Variants in ZBED4 observed in about 807,000 individuals in gnomAD.
ZBED4 encodes the protein zinc finger BED domain-containing protein 4.
ZBED4 carries 4 observed loss-of-function variants against 15.5 expected under a neutral mutation model. The ratio of observed to expected loss-of-function variants is 0.26; its 90% CI spans 0.13 to 0.59. The LOEUF is 0.59. Among genes scored for constraint, ZBED4 ranks in the 20% least tolerant of loss-of-function variants. The probability of loss-of-function intolerance (pLI) is 0.90; values close to 1 mark genes in which losing one functional copy is unlikely to be tolerated. For synonymous variants in ZBED4, 692 were observed against 608.5 expected, an observed-to-expected ratio of 1.14 and a Z score of -2.02; for missense variants, 1,323 against 1,461.8, an observed-to-expected ratio of 0.91 and a Z score of 1.55.
rs894203074 is a variant in ZBED4 at position 49,853,921 on chromosome 22, G to A, written c.-398G>A. The A allele has an allele frequency of 3.5e-5, 5 of 144,400 alleles. No individual in the cohort carries two copies. Among genetic ancestry groups the A allele is most frequent in the African/African-American group, 1.2e-4 (5 of 40,312 alleles). 8.9% of individuals were successfully genotyped at this position (144,400 alleles called of 1,614,324 possible). ...CGGGGGCAGACAAAGCCGCGGTAAT[G>A]AATGGAGCGTCCGCCCGCGCCGCCG... On this transcript the variant is annotated 5_prime_UTR_variant, in exon 1 of 2. It removes an upstream start codon present in the reference 5' UTR. Transcript: ENST00000216268.
In ZBED4 at chr22:49,887,331, C is replaced by T; in HGVS notation, c.*153C>T. On this transcript the variant is annotated 3_prime_UTR_variant, in exon 2 of 2. Coordinates refer to ENST00000216268, the MANE Select transcript of ZBED4 (RefSeq NM_014838.3). The stretch of plus-strand genomic sequence containing the variant: ...CAGCTCACCACAGTGTCTCCACGTG[C>T]CTTACCCCTTCTCCTTCAGGCCAAG... 1.4e-6 allele frequency: 1 copy of T among 731,210 alleles called. No homozygotes were observed. 45.3% of individuals were successfully genotyped at this position (731,210 alleles called of 1,614,324 possible).
At chr22:49,874,320 G>C (rs530460111) in intron 1 of ZBED4, among the ~76,000 whole-genome samples, 1 of 152,220 alleles carries the variant, frequency 6.6e-6, no homozygotes, top group East Asian at 1.9e-4. Flanking sequence ...AGAAGTGTTG[G>C]CAAATGTTTT....
At position 49,862,004 on chromosome 22, in the gene ZBED4, G is replaced by A. The variant is rs977382985; in HGVS notation, c.-330+8015G>A. On this transcript the variant is annotated intron_variant, in intron 1 of 1. Coordinates refer to ENST00000216268, the MANE Select transcript of ZBED4 (RefSeq NM_014838.3). ...TGGGAGAGGGCCTGACCAACAGAGG[G>A]CATTACTAAGCATTTGGATTTTTGC... 7.2e-5 allele frequency among the ~76,000 whole-genome samples: 11 copies of A among 152,306 alleles called. No individual in the cohort carries two copies. In the East Asian group the frequency reaches 1.9e-3, roughly 27 times the overall value.
intron 1 of ZBED4, among the ~76,000 whole-genome samples, chr22:49,872,129 A>G (rs2319464): frequency 0.64 from 97,415 of 151,708 alleles, 35,446 homozygotes; most frequent in East Asian, 0.85. Context: ...CATTTTACCC[A>G]CAGTAGAACT....
In ZBED4 at chr22:49,883,579, A is replaced by G. The variant is rs1471619116; in HGVS notation, c.-84A>G. 2.1e-6 allele frequency: 3 copies of G among 1,433,752 alleles called. No homozygotes were observed. The East Asian group carries it at 7.0e-5, about 33-fold the overall frequency. 88.8% of individuals were successfully genotyped at this position (1,433,752 alleles called of 1,614,324 possible). A position where few individuals can be genotyped will look rare whatever the true frequency, so the allele number is the denominator to read the frequency against. ...ATGGAATTATGACGAAAAAGTGAAG[A>G]TAATCTACATTCGGGGGCACAAATG... On this transcript the variant is annotated 5_prime_UTR_variant, in exon 2 of 2. Transcript: ENST00000216268.
intron 1 of ZBED4, among the ~76,000 whole-genome samples, chr22:49,857,308 C>T (rs1182240933): frequency 6.6e-6 from 1 of 152,220 alleles, no homozygotes; most frequent in Non-Finnish European, 1.5e-5. Context: ...GCCCGGACCC[C>T]CAAGGTATGG....
intron 1 of ZBED4, among the ~76,000 whole-genome samples, chr22:49,881,868 T>C (rs1291767239): frequency 6.6e-6 from 1 of 152,182 alleles, no homozygotes; most frequent in Non-Finnish European, 1.5e-5. Context: ...TATCTGGCTG[T>C]ACTTTGTAGA....
In ZBED4 at chr22:49,884,417, T is replaced by C. The variant is rs745336653; in HGVS notation, c.755T>C (p.Val252Ala). The change falls in exon 2 of 2, where the codon GTG (valine) becomes GCG (alanine). Residue 252 changes from valine to alanine, a missense_variant. Physicochemically the swap from Val to Ala is moderately conservative, Grantham distance 64. Around this residue, in one of 6 missense-constraint regions of ZBED4, gnomAD observed 380 missense variants for 413.7 expected, o/e 0.92. Coordinates refer to ENST00000216268, the MANE Select transcript of ZBED4 (RefSeq NM_014838.3). ...AAGTGCGGCAGAGAAGAAGCCCTGG[T>C]GGGGTCGTCTCCCCACCTCCCTGCT... is the stretch of plus-strand genomic sequence containing the variant. ...SEKCGREEAL[V>A]GSSPHLPALH... 1 of 1,613,758 alleles carries C rather than the reference T, an allele frequency of 6.2e-7. No homozygotes were observed. Among genetic ancestry groups the C allele is most frequent in the South Asian group, 1.1e-5 (1 of 91,044 alleles).
intron 1 of ZBED4, among the ~76,000 whole-genome samples, chr22:49,858,642 C>G (rs1345842654): frequency 6.6e-6 from 1 of 152,196 alleles, no homozygotes. Flanking sequence ...GGACACTTCT[C>G]TAAGTGTTCT....
At chr22:49,860,917 T>A (rs886714131) in intron 1 of ZBED4, among the ~76,000 whole-genome samples, 3 of 151,886 alleles carry the variant, frequency 2.0e-5, no homozygotes, top group Non-Finnish European at 4.4e-5. Flanking sequence ...TAGCTGGGAC[T>A]ACAGGCGCCC....
chr22:49,884,821 T>G lies in ZBED4; in HGVS notation c.1159T>G (p.Ser387Ala), dbSNP rs1164539939. 6.2e-7 allele frequency: 1 copy of G among 1,608,094 alleles called. No homozygotes were observed. Among genetic ancestry groups the G allele is most frequent in the Non-Finnish European group, 8.5e-7 (1 of 1,175,212 alleles). ...GCCGGTCAGAGAGTCCCCTTCGGCC[T>G]CCTCCTCCCCTGACAGGCTGACTGA... ...VKPVRESPSASSSPDRLTEDL... is the reference protein window; with the variant it reads ...VKPVRESPSAASSPDRLTEDL... The change falls in exon 2 of 2, where the codon TCC becomes GCC. Residue 387 changes from serine (S) to alanine (A), a missense_variant. By Grantham distance (99) the Ser-to-Ala change is moderately conservative (BLOSUM62 1). This residue lies in a region of ZBED4 where 429 missense variants were observed against 397.9 expected (regional missense o/e 1.08). Coordinates refer to ENST00000216268, the MANE Select transcript of ZBED4 (RefSeq NM_014838.3).
chr22:49,886,405 G>C lies in ZBED4; in HGVS notation c.2743G>C (p.Glu915Gln). Residue 915 changes from glutamate to glutamine, a missense_variant, in exon 2 of 2, where the codon GAG (glutamate) becomes CAG (glutamine). Around this residue, in one of 6 missense-constraint regions of ZBED4, gnomAD observed 312 missense variants for 410.7 expected, o/e 0.76. Transcript: ENST00000216268. The surrounding 1 kb of genome is among the most constrained non-coding windows in gnomAD (Gnocchi z 7.7). ...QKRAINEMSV[E>Q]CNFRELISCD... ...AAGGGCCATTAACGAGATGTCCGTC[G>C]AGTGTAACTTCCGAGAGCTGATCAG... 3 of 1,605,238 alleles carry C rather than the reference G, an allele frequency of 1.9e-6. No homozygotes were observed. The highest frequency in any genetic ancestry group is 3.4e-5 in the Admixed American group (2 of 59,430).
intron 1 of ZBED4, among the ~76,000 whole-genome samples, chr22:49,873,280 C>G (rs973770179): frequency 6.6e-6 from 1 of 152,216 alleles, no homozygotes; most frequent in Non-Finnish European, 1.5e-5. Flanking sequence ...CTTCCTTTCA[C>G]TTGAACATGT....
chr22:49,886,020 G>A lies in ZBED4; in HGVS notation c.2358G>A (p.Lys786=). 1 of 687,982 alleles carries A rather than the reference G, an allele frequency of 1.5e-6. No homozygotes were observed. Among genetic ancestry groups the A allele is most frequent in the Admixed American group, 2.3e-5 (1 of 43,622 alleles). 42.6% of individuals were successfully genotyped at this position (687,982 alleles called of 1,614,324 possible). The change falls in exon 2 of 2, where the codon AAG becomes AAA. Residue 786 remains lysine, a synonymous_variant. Coordinates refer to ENST00000216268, the MANE Select transcript of ZBED4 (RefSeq NM_014838.3). The surrounding 1 kb of genome is among the most constrained non-coding windows in gnomAD (Gnocchi z 7.7). ...DCDYSGNSIQ[K]QLECWWEAWV... ...ACTACAGTGGCAACAGCATTCAGAA[G>A]CAGCTGGAGTGCTGGTGGGAAGCGT...
chr22:49,886,882 A>G lies in ZBED4; in HGVS notation c.3220A>G (p.Lys1074Glu). Residue 1074 changes from lysine (K) to glutamate (E), a missense_variant, in exon 2 of 2, where the codon AAA becomes GAA. Transcript: ENST00000216268. The surrounding 1 kb of genome is among the most constrained non-coding windows in gnomAD (Gnocchi z 7.7). ...GTCACTTGTGGCCAAGGTGAAGAAGAAAGACCCAAGAGAAAAGCTGCCTGA... is the reference window on the plus strand; with the variant it reads ...GTCACTTGTGGCCAAGGTGAAGAAGGAAGACCCAAGAGAAAAGCTGCCTGA... ...LWSLVAKVKK[K>E]DPREKLPEAM... 1 of 1,614,082 alleles carries G rather than the reference A, an allele frequency of 6.2e-7. No individual in the cohort carries two copies. The highest frequency in any genetic ancestry group is 8.5e-7 in the Non-Finnish European group (1 of 1,180,014).
At chr22:49,862,693 C>CTTTTTTTTT (rs66520307) in intron 1 of ZBED4, among the ~76,000 whole-genome samples, 1 of 58,988 alleles carries the variant, frequency 1.7e-5, no homozygotes, top group African/African-American at 5.6e-5. Context: ...TAAGTTTTTC[C>CTTTTTTTTT]TTTTTTTTTT....
chr22:49,880,353 C>T (rs529157522), intron 1 of ZBED4, among the ~76,000 whole-genome samples: 90 of 152,218 alleles, frequency 5.9e-4, no homozygotes, highest in Non-Finnish European at 1.1e-3. Flanking sequence ...AGTATTCAGC[C>T]AAAGACACGA....
chr22:49,863,082 G>A (rs536469301), intron 1 of ZBED4, among the ~76,000 whole-genome samples: 3 of 152,278 alleles, frequency 2.0e-5, no homozygotes, highest in South Asian at 2.1e-4. Context: ...TTGGTGGTTG[G>A]ACTCGTGCAT....
At chr22:49,878,914 G>C (rs2060392403) in intron 1 of ZBED4, among the ~76,000 whole-genome samples, 1 of 151,922 alleles carries the variant, frequency 6.6e-6, no homozygotes. Flanking sequence ...GGAGGCCGAG[G>C]CGGGCAGATC....
Sources: allele counts gnomAD v4.1 joint callset (sites outside exome capture counted in the v4.1 genomes callset), GRCh38; gene constraint gnomAD v4.1.1; regional missense constraint gnomAD v4.1.1; non-coding constraint Gnocchi (gnomAD v3.1); transcripts MANE v1.5; gene names NCBI Gene and HGNC (gene_info 2026-07-23, HGNC 2026-07-21).